The following MCMBP variants were observed in gnomAD, a reference collection of about 807,000 sequenced individuals.
The protein encoded by MCMBP is minichromosome maintenance complex binding protein.
MCMBP carries 31 observed loss-of-function variants against 81.3 expected under a neutral mutation model. The ratio of observed to expected loss-of-function variants is 0.38; its 90% CI spans 0.29 to 0.51. The LOEUF is 0.51. MCMBP is among the 20% of genes least tolerant of loss of function. The pLI is 0.87. For synonymous variants in MCMBP, 267 were observed against 275.9 expected (o/e 0.97, Z 0.32); for missense variants, 645 against 772.1 (o/e 0.84, Z 1.95).
chr10:119,847,528 T>G, intron 8 of MCMBP, 85 bp downstream of exon 8: 1 of 691,610 alleles, frequency 1.4e-6, no homozygotes, highest in South Asian at 2.2e-5. Context: ...GAAAAGGGAG[T>G]TCTTTAAAAC....
intron 6 of MCMBP, among the ~76,000 whole-genome samples, chr10:119,852,228 T>C (rs1439352698): frequency 1.3e-5 from 2 of 151,816 alleles, no homozygotes; most frequent in African/African-American, 4.8e-5. Context: ...GACTGATTTG[T>C]TTTGCCTCCT....
At chr10:119,859,431 C>T (rs556664259) in intron 2 of MCMBP, among the ~76,000 whole-genome samples, 9 of 152,264 alleles carry the variant, frequency 5.9e-5, no homozygotes, top group Non-Finnish European at 1.0e-4. Context: ...CTAAAAAATG[C>T]TTTTCATTCA....
At chr10:119,840,989 A>T (rs1303288429) in intron 10 of MCMBP, 29 bp from the exon 11 acceptor site, 1 of 1,291,384 alleles carries the variant, frequency 7.7e-7, no homozygotes, top group East Asian at 2.3e-5. Flanking sequence ...AATCAATAAG[A>T]TGCTGAAGTG....
intron 1 of MCMBP, among the ~76,000 whole-genome samples, chr10:119,861,809 T>C (rs1157987114): frequency 5.9e-5 from 9 of 152,194 alleles, no homozygotes. Flanking sequence ...GGTGTGATCC[T>C]GGCTCACTGC....
rs1455162037 is a variant in MCMBP, at chr10:119,831,210, A to ACTT, written c.*261_*263dup. 1 of 217,578 alleles carries ACTT rather than the reference A, an allele frequency of 4.6e-6. No individual in the cohort carries two copies. The highest frequency in any genetic ancestry group is 2.3e-5 in the African/African-American group (1 of 42,996). The allele number at this position is 217,578 out of a possible 1,614,324, so 13.5% of individuals were successfully genotyped here. Reference sequence around the variant, plus strand: ...CAATCAGCAACATTATCAATATTAAACTTTTAATATCAAATACTTTTTTTA... The same window carrying ACTT: ...CAATCAGCAACATTATCAATATTAAACTTCTTTTAATATCAAATACTTTTTTTA... On this transcript the variant is annotated 3_prime_UTR_variant, in exon 16 of 16. Transcript: ENST00000369077.
At chr10:119,841,316 C>T (rs1001629465) in intron 10 of MCMBP, among the ~76,000 whole-genome samples, 6 of 152,288 alleles carry the variant, frequency 3.9e-5, no homozygotes, top group Middle Eastern at 3.4e-3. Flanking sequence ...GATATGAATC[C>T]GGGTAGTTTG....
intron 4 of MCMBP, chr10:119,857,838 A>T (rs1307329358): frequency 6.5e-6 from 1 of 153,452 alleles, no homozygotes; most frequent in East Asian, 1.9e-4. Flanking sequence ...TCACAACAGA[A>T]GTTGTTGCTC....
chr10:119,834,711 A>G (rs1201926287), intron 14 of MCMBP, among the ~76,000 whole-genome samples: 2 of 151,822 alleles, frequency 1.3e-5, no homozygotes, highest in African/African-American at 4.8e-5. Context: ...AAAACAAAGA[A>G]TTAGCTGGGC....
chr10:119,866,746 G>C (rs116592229), intron 1 of MCMBP, among the ~76,000 whole-genome samples: 2 of 151,790 alleles, frequency 1.3e-5, no homozygotes, highest in South Asian at 4.2e-4. Context: ...TTATTTCAAA[G>C]AAAAAAAATT....
At chr10:119,868,333 T>C (rs1004065426) in intron 1 of MCMBP, among the ~76,000 whole-genome samples, 1 of 152,026 alleles carries the variant, frequency 6.6e-6, no homozygotes, top group African/African-American at 2.4e-5. Flanking sequence ...GGCTGAGGCA[T>C]GAGAATGGCT....
intron 1 of MCMBP, among the ~76,000 whole-genome samples, chr10:119,862,032 T>G (rs958224678): frequency 2.0e-5 from 3 of 152,124 alleles, no homozygotes; most frequent in Non-Finnish European, 2.9e-5. Flanking sequence ...CTTGGCTGGG[T>G]GCGGTGGCTC....
In MCMBP at chr10:119,831,255, A is replaced by AATTAATT. The variant is rs1852023588; in HGVS notation, c.*218_*219insAATTAAT. On this transcript the variant is annotated 3_prime_UTR_variant, in exon 16 of 16. Transcript: ENST00000369077. ...TTTTTACATCATTACTAATTTATAT[A>AATTAATT]ATTATTATAAAACAAACTTCAAAAG... is the stretch of plus-strand genomic sequence containing the variant. 3.2e-6 allele frequency: 1 copy of AATTAATT among 311,552 alleles called. No homozygotes were observed. The highest frequency in any genetic ancestry group is 2.2e-5 in the African/African-American group (1 of 45,564). The allele number at this position is 311,552 out of a possible 1,614,324, so 19.3% of individuals were successfully genotyped here. A position where few individuals can be genotyped will look rare whatever the true frequency, so the allele number is the denominator to read the frequency against.
At position 119,838,624 on chromosome 10, in the gene MCMBP, C is replaced by T; in HGVS notation, c.1319G>A (p.Arg440His). 4 of 1,614,104 alleles carry T rather than the reference C, an allele frequency of 2.5e-6. No individual in the cohort carries two copies. Among genetic ancestry groups the T allele is most frequent in the Non-Finnish European group, 3.4e-6 (4 of 1,179,974 alleles). The change falls in exon 12 of 16, where the codon CGC becomes CAC. Residue 440 changes from arginine (R) to histidine (H), a missense_variant. Physicochemically the swap from Arg to His is conservative, Grantham distance 29. Transcript: ENST00000369077. ...FIPHKDYTAN[R>H]LVSGLLQLPS... is the part of the protein sequence containing the mutation. ...CAGCTGGAGGAGCCCACTGACCAAG[C>T]GATTGGCTGTGTAGTCTTTGTGGGG...
intron 4 of MCMBP, 194 bp from the exon 5 acceptor site, chr10:119,857,633 A>G (rs567448829): frequency 2.3e-6 from 1 of 426,278 alleles, no homozygotes; most frequent in Admixed American, 3.9e-5. Flanking sequence ...CTGTCATCAA[A>G]CACTTCCTCC....
At chr10:119,868,064 G>T (rs1012712383) in intron 1 of MCMBP, among the ~76,000 whole-genome samples, 51 of 152,180 alleles carry the variant, frequency 3.4e-4, no homozygotes, top group African/African-American at 1.2e-3. Flanking sequence ...AGTTCTGTTA[G>T]ATACAACCAA....
chr10:119,855,386 A>G (rs1175018184), intron 5 of MCMBP, among the ~76,000 whole-genome samples: 1 of 152,232 alleles, frequency 6.6e-6, no homozygotes, highest in Non-Finnish European at 1.5e-5. Flanking sequence ...AAAGCTAGAA[A>G]AAGGGCCAGG....
chr10:119,864,300 C>A (rs1360872255), intron 1 of MCMBP, among the ~76,000 whole-genome samples: 4 of 152,182 alleles, frequency 2.6e-5, no homozygotes, highest in Non-Finnish European at 4.4e-5. Flanking sequence ...AAATAAAAAC[C>A]TTTTGTTTTA....
At chr10:119,842,429 A>G (rs1210224493) in intron 10 of MCMBP, 43 bp downstream of exon 10, 1 of 1,580,692 alleles carries the variant, frequency 6.3e-7, no homozygotes, top group South Asian at 1.2e-5. Flanking sequence ...CCACTTCCAC[A>G]CACACCAAAC....
intron 5 of MCMBP, among the ~76,000 whole-genome samples, chr10:119,854,546 A>G (rs1233989407): frequency 7.6e-6 from 1 of 131,238 alleles, no homozygotes; most frequent in African/African-American, 2.5e-5. Flanking sequence ...CTCAAAAATA[A>G]ATAAATAAAT....
Sources: allele counts gnomAD v4.1 joint callset (sites outside exome capture counted in the v4.1 genomes callset), GRCh38; gene constraint gnomAD v4.1.1; transcripts MANE v1.5; gene names NCBI Gene and HGNC (gene_info 2026-07-23, HGNC 2026-07-21).